The following PCDHGB7 variants were observed in gnomAD, a reference collection of about 807,000 sequenced individuals.
PCDHGB7 encodes the protein protocadherin gamma-B7.
PCDHGB7 carries 37 observed loss-of-function variants against 61.4 expected under a neutral mutation model. The observed-to-expected ratio is 0.60, with a 90% CI of 0.46 to 0.79. PCDHGB7 has a LOEUF of 0.79. Ranked by LOEUF, PCDHGB7 falls within the 30% of genes least tolerant of loss-of-function variation. The pLI, the probability that PCDHGB7 is intolerant of heterozygous loss-of-function variation, is 0.00. For missense variants in PCDHGB7, 1,166 were observed against 1,202.5 expected (o/e 0.97, Z 0.45); for synonymous variants, 464 against 503.5 (o/e 0.92, Z 1.05).
chr5:141,449,528 G>C (rs1298713821), intron 1 of PCDHGB7, among the ~76,000 whole-genome samples: 1 of 149,040 alleles, frequency 6.7e-6, no homozygotes, highest in African/African-American at 2.5e-5. Context: ...GGCGGAGGTT[G>C]CAGTGAGCCG....
rs145484670 is a variant in PCDHGB7 at position 141,469,912 on chromosome 5, C to T, written c.2416-24895C>T. Among the ~76,000 whole-genome samples, 674 of 152,288 alleles carry T rather than the reference C, an allele frequency of 4.4e-3. 6 individuals are homozygous for T. The highest frequency in any genetic ancestry group is 0.015 in the African/African-American group (642 of 41,562). On this transcript the variant is annotated intron_variant, in intron 1 of 3. Transcript: ENST00000398594. ...TTGGGAAGCCGAGGCAGGCAGACCA[C>T]CCGAGGTCAGGAGTTTGAGACCAGC...
At chr5:141,435,346 G>A (rs2097758346) in intron 1 of PCDHGB7, among the ~76,000 whole-genome samples, 1 of 152,012 alleles carries the variant, frequency 6.6e-6, no homozygotes, top group South Asian at 2.1e-4. Flanking sequence ...TATTTCTTCT[G>A]CATTTAAAAT....
intron 1 of PCDHGB7, among the ~76,000 whole-genome samples, chr5:141,439,623 C>T (rs1219064055): frequency 6.6e-6 from 1 of 152,186 alleles, no homozygotes; most frequent in East Asian, 1.9e-4. Context: ...ATGAGCCAAT[C>T]CCCAGACATT....
intron 1 of PCDHGB7, chr5:141,427,221 T>C (rs1312743800): frequency 2.2e-6 from 1 of 456,628 alleles, no homozygotes; most frequent in Non-Finnish European, 4.4e-6. Context: ...TCGTAGCAGT[T>C]ATACCATGAG....
Position 141,511,065 on chromosome 5 carries a change from C to T in PCDHGB7, c.2682C>T (p.Ile894=). Residue 894 remains isoleucine, a synonymous_variant, in exon 4 of 4, where the codon ATC becomes ATT. Transcript: ENST00000398594. ...HVPDYRQNVY[I]PGSNATLTNA... ...CCGACTACCGCCAGAATGTCTACATCCCAGGCAGCAATGCCACACTGACCA... is the reference window on the plus strand; with the variant it reads ...CCGACTACCGCCAGAATGTCTACATTCCAGGCAGCAATGCCACACTGACCA... The T allele has an allele frequency of 6.2e-7, 1 of 1,614,222 alleles. No individual in the cohort carries two copies. Among genetic ancestry groups the T allele is most frequent in the Middle Eastern group, 1.6e-4 (1 of 6,062 alleles).
chr5:141,433,358 C>CCCATCTAT (rs1554125967), intron 1 of PCDHGB7: 6 of 503,934 alleles, frequency 1.2e-5, no homozygotes, highest in Admixed American at 3.6e-5. Context: ...CTACTGTCTG[C>CCCATCTAT]CTATCTATCT....
Position 141,427,844 on chromosome 5 carries a change from C to A in PCDHGB7, c.2415+7570C>A, listed in dbSNP as rs997069058. 6.5e-6 allele frequency: 10 copies of A among 1,550,194 alleles called. No homozygotes were observed. In the East Asian group the frequency reaches 2.2e-4, roughly 35 times the overall value. On this transcript the variant is annotated intron_variant, in intron 1 of 3. Transcript: ENST00000398594. ...TGGTCGCGCAGCGTGCCTTCGACCA[C>A]GAGCAGCTGTGCGCCTTCGAGCTCA...
Position 141,432,806 on chromosome 5 carries a change from A to G in PCDHGB7, c.2415+12532A>G, listed in dbSNP as rs755248654. 12 of 1,614,070 alleles carry G rather than the reference A, an allele frequency of 7.4e-6. No individual in the cohort carries two copies. Among genetic ancestry groups the G allele is most frequent in the Non-Finnish European group, 9.3e-6 (11 of 1,179,972 alleles). On this transcript the variant is annotated intron_variant, in intron 1 of 3. Transcript: ENST00000398594. This position sits in a 1 kb window ranked among gnomAD's most constrained non-coding sequence, Gnocchi z 6.0. ...CCTCGGCAGCCTCGAGTCTCCAGCT[A>G]ACTCTGAAACCTCAGACCTCACTCT...
At chr5:141,509,310 G>A (rs1223508453) in intron 3 of PCDHGB7, among the ~76,000 whole-genome samples, 2 of 152,174 alleles carry the variant, frequency 1.3e-5, no homozygotes, top group Non-Finnish European at 1.5e-5. Flanking sequence ...GAGGGAGGCT[G>A]GGAGAGAAGC....
intron 1 of PCDHGB7, among the ~76,000 whole-genome samples, chr5:141,454,420 T>C (rs889393211): frequency 6.6e-6 from 1 of 152,218 alleles, no homozygotes; most frequent in African/African-American, 2.4e-5. Context: ...TATTTATTTA[T>C]TTAGAGACAG....
In PCDHGB7 at chr5:141,439,058, TGGCA is replaced by T. The variant is rs1241503235; in HGVS notation, c.2415+18788_2415+18791del. On this transcript the variant is annotated intron_variant, in intron 1 of 3. Transcript: ENST00000398594. ...CAGTTCATAAGATTTCCATATTGTG[TGGCA>T]GGCGCCTGTAATCCCAGCTACTCAG... 2.0e-5 allele frequency among the ~76,000 whole-genome samples: 3 copies of T among 151,580 alleles called. No individual in the cohort carries two copies. The East Asian group carries it at 5.9e-4, about 30-fold the overall frequency.
At chr5:141,452,017 C>T (rs181614467) in intron 1 of PCDHGB7, among the ~76,000 whole-genome samples, 10 of 152,344 alleles carry the variant, frequency 6.6e-5, no homozygotes, top group Non-Finnish European at 1.2e-4. Flanking sequence ...CCAGCCCACA[C>T]TCTGGGGAGA....
intron 1 of PCDHGB7, chr5:141,423,431 G>T: frequency 6.2e-7 from 1 of 1,614,010 alleles, no homozygotes; most frequent in South Asian, 1.1e-5. Context: ...GGGTTGGCAG[G>T]TATGCCCACG....
At position 141,512,750 on chromosome 5, in the gene PCDHGB7, G is replaced by C. The variant is rs538475261; in HGVS notation, c.*1577G>C. The C allele has an allele frequency of 2.6e-5, 4 of 152,894 alleles. No homozygotes were observed. The highest frequency in any genetic ancestry group is 4.4e-5 in the Non-Finnish European group (3 of 68,656). 9.5% of individuals were successfully genotyped at this position (152,894 alleles called of 1,614,324 possible). ...AGCGGGCGGCGGGCTCCGCGCAGCC[G>C]TCTGTCCTTGATCTGCCCGCGGCGG... On this transcript the variant is annotated 3_prime_UTR_variant, in exon 4 of 4. Coordinates refer to ENST00000398594, the MANE Select transcript of PCDHGB7 (RefSeq NM_018927.4).
rs757410882 is a variant in PCDHGB7 at position 141,421,504 on chromosome 5, C to T, written c.2415+1230C>T. 8 of 1,614,062 alleles carry T rather than the reference C, an allele frequency of 5.0e-6. No homozygotes were observed. The highest frequency in any genetic ancestry group is 3.3e-5 in the South Asian group (3 of 91,088). ...CTTGATCACGGCAGGCAGGATAGACCGGGAGGAGCTCTGTGAGACGGTGTC... is the reference window on the plus strand; with the variant it reads ...CTTGATCACGGCAGGCAGGATAGACTGGGAGGAGCTCTGTGAGACGGTGTC... On this transcript the variant is annotated intron_variant, in intron 1 of 3. Transcript: ENST00000398594.
chr5:141,417,766 C>G lies in PCDHGB7; in HGVS notation c.-94C>G. 6.9e-7 allele frequency: 1 copy of G among 1,442,472 alleles called. No homozygotes were observed. Among genetic ancestry groups the G allele is most frequent in the Non-Finnish European group, 9.1e-7 (1 of 1,094,904 alleles). The allele number at this position is 1,442,472 out of a possible 1,614,324, so 89.4% of individuals were successfully genotyped here. A position where few individuals can be genotyped will look rare whatever the true frequency, so the allele number is the denominator to read the frequency against. ...AGATTGCCAGCTCCGAGACCCGGGA[C>G]TCCTCCTGTCCTGGGCCGAATGCTC... is the stretch of plus-strand genomic sequence containing the variant. On this transcript the variant is annotated 5_prime_UTR_variant, in exon 1 of 4. Coordinates refer to ENST00000398594, the MANE Select transcript of PCDHGB7 (RefSeq NM_018927.4).
intron 2 of PCDHGB7, among the ~76,000 whole-genome samples, chr5:141,498,277 G>T (rs1216561939): frequency 6.6e-6 from 1 of 151,924 alleles, no homozygotes; most frequent in African/African-American, 2.4e-5. Flanking sequence ...CAGTAAACTT[G>T]GTTCAAGATC....
At chr5:141,444,152 ATTTTTTTTTTTTTTTTTTT>A (rs747671382) in intron 1 of PCDHGB7, among the ~76,000 whole-genome samples, 14 of 33,898 alleles carry the variant, frequency 4.1e-4, no homozygotes, top group South Asian at 3.1e-3. Flanking sequence ...TGTGTACTGG[ATTTTTTTTTTTTTTTTTTT>A]TTTTTTTTTT....
At position 141,489,384 on chromosome 5, in the gene PCDHGB7, T is replaced by G; in HGVS notation, c.2416-5423T>G. The G allele has an allele frequency of 6.2e-7, 1 of 1,613,986 alleles. No individual in the cohort carries two copies. The highest frequency in any genetic ancestry group is 1.3e-5 in the African/African-American group (1 of 75,042). On this transcript the variant is annotated intron_variant, in intron 1 of 3. Transcript: ENST00000398594. This position sits in a 1 kb window ranked among gnomAD's most constrained non-coding sequence, Gnocchi z 4.5. ...AGCCGGGGACGCTGGTGGGGAATGT[T>G]GCTCAGGATCTGGGCTTAAAGATGA...
Sources: allele counts gnomAD v4.1 joint callset (sites outside exome capture counted in the v4.1 genomes callset), GRCh38; gene constraint gnomAD v4.1.1; non-coding constraint Gnocchi (gnomAD v3.1); transcripts MANE v1.5; gene names NCBI Gene and HGNC (gene_info 2026-07-23, HGNC 2026-07-21).